The following PTGER3 variants were observed in gnomAD, a reference collection of about 807,000 sequenced individuals.
PTGER3 encodes the protein prostaglandin E2 receptor EP3 subtype.
A neutral mutation model predicts 34.7 loss-of-function variants in PTGER3; 22 were observed. The ratio of observed to expected loss-of-function variants is 0.63; its 90% CI spans 0.45 to 0.91. The LOEUF (loss-of-function observed/expected upper bound fraction) is 0.91. Ranked by LOEUF, PTGER3 falls within the 40% of genes least tolerant of loss-of-function variation. PTGER3 has a pLI of 0.00. For missense variants in PTGER3, 468 were observed against 519.4 expected (o/e 0.90, Z 0.96); for synonymous variants, 241 against 230.1 (o/e 1.05, Z -0.43).
At chr1:70,870,361 CA>C (rs1646137202) in intron 4 of PTGER3, among the ~76,000 whole-genome samples, 2 of 152,194 alleles carry the variant, frequency 1.3e-5, no homozygotes, top group African/African-American at 4.8e-5. Flanking sequence ...TGGGCTGTCT[CA>C]AAAGTCTCTG....
At chr1:70,957,736 G>A (rs1651492431) in intron 2 of PTGER3, among the ~76,000 whole-genome samples, 1 of 152,066 alleles carries the variant, frequency 6.6e-6, no homozygotes, top group Admixed American at 6.5e-5. Context: ...TCTTGAATAT[G>A]TAGTACAATG....
intron 4 of PTGER3, among the ~76,000 whole-genome samples, chr1:70,903,529 AG>A (rs1349631007): frequency 6.6e-6 from 1 of 152,190 alleles, no homozygotes; most frequent in Admixed American, 6.5e-5. Context: ...TGGGCTTCAA[AG>A]AAATAAAATC....
At chr1:70,909,607 CTG>C (rs1647021396) in intron 4 of PTGER3, among the ~76,000 whole-genome samples, 3 of 152,024 alleles carry the variant, frequency 2.0e-5, no homozygotes, top group African/African-American at 7.2e-5. Context: ...TGTTGGGTAA[CTG>C]TACAGTTTGT....
intron 4 of PTGER3, among the ~76,000 whole-genome samples, chr1:70,897,128 G>T (rs1646737635): frequency 6.6e-6 from 1 of 152,078 alleles, no homozygotes; most frequent in Non-Finnish European, 1.5e-5. Context: ...ACCACTCAGC[G>T]ATCTTGAGAC....
intron 4 of PTGER3, among the ~76,000 whole-genome samples, chr1:70,863,916 C>T (rs1405848275): frequency 2.6e-5 from 4 of 152,026 alleles, no homozygotes; most frequent in Admixed American, 2.6e-4. Context: ...AAAAACAACT[C>T]AGGAATTAGC....
chr1:70,891,332 C>T (rs1205281858), intron 4 of PTGER3, among the ~76,000 whole-genome samples: 1 of 152,114 alleles, frequency 6.6e-6, no homozygotes, highest in East Asian at 1.9e-4. Context: ...CCTGAATTCC[C>T]ATTTGGTGTA....
At chr1:70,894,256 C>A (rs1646678533) in intron 4 of PTGER3, among the ~76,000 whole-genome samples, 2 of 135,332 alleles carry the variant, frequency 1.5e-5, no homozygotes, top group Non-Finnish European at 1.5e-5. Context: ...TTGCAGTGAG[C>A]CGAGATCATG....
At chr1:71,005,744 A>T (rs1656900454) in intron 2 of PTGER3, 3 of 491,106 alleles carry the variant, frequency 6.1e-6, no homozygotes, top group South Asian at 1.7e-4. Flanking sequence ...CCCCAAGGAC[A>T]TTTGGCCCCA....
intron 2 of PTGER3, among the ~76,000 whole-genome samples, chr1:70,977,940 G>A (rs2100707651): frequency 6.6e-6 from 1 of 152,192 alleles, no homozygotes; most frequent in East Asian, 1.9e-4. Flanking sequence ...AGAATTAGAA[G>A]GTCCTCTCCC....
chr1:70,862,429 C>T (rs746274897), intron 4 of PTGER3: 22 of 1,291,198 alleles, frequency 1.7e-5, no homozygotes, highest in Admixed American at 3.8e-5. Context: ...AAATATTGTG[C>T]TGAAAAAGTC....
intron 4 of PTGER3, among the ~76,000 whole-genome samples, chr1:70,922,750 G>A (rs1257323525): frequency 1.3e-5 from 2 of 152,146 alleles, no homozygotes; most frequent in Non-Finnish European, 2.9e-5. Flanking sequence ...AAAATTATAA[G>A]AAGTCTTGGG....
intron 2 of PTGER3, among the ~76,000 whole-genome samples, chr1:70,996,639 T>TTTTATTTATTTA (rs763272005): frequency 0.34 from 41,946 of 122,000 alleles, 7,296 homozygotes; most frequent in Non-Finnish European, 0.37. Flanking sequence ...TTTTTTGTAT[T>TTTTATTTATTTA]TTTATTTATT....
intron 4 of PTGER3, among the ~76,000 whole-genome samples, chr1:70,860,883 C>A (rs745999141): frequency 6.6e-6 from 1 of 152,128 alleles, no homozygotes; most frequent in African/African-American, 2.4e-5. Context: ...ACTGTTGGGT[C>A]CTGTAGCTAA....
At chr1:70,862,151 A>G (rs563485989) in intron 4 of PTGER3, among the ~76,000 whole-genome samples, 1 of 152,188 alleles carries the variant, frequency 6.6e-6, no homozygotes, top group African/African-American at 2.4e-5. Flanking sequence ...TACCTGAAAT[A>G]TTGGAATTTC....
chr1:70,947,885 T>C (rs1650368111), downstream of PTGER3, among the ~76,000 whole-genome samples: 1 of 152,186 alleles, frequency 6.6e-6, no homozygotes, highest in Admixed American at 6.5e-5. Context: ...TGGTTTGTTC[T>C]GTTTTGATAG....
chr1:70,995,573 T>TA (rs1372523881), intron 2 of PTGER3, among the ~76,000 whole-genome samples: 1 of 152,156 alleles, frequency 6.6e-6, no homozygotes, highest in Non-Finnish European at 1.5e-5. Flanking sequence ...AGTCTTTCTT[T>TA]AAAAAAATTT....
intron 2 of PTGER3, chr1:71,007,332 G>GT: frequency 1.0e-6 from 1 of 985,770 alleles, no homozygotes; most frequent in Non-Finnish European, 1.2e-6. Flanking sequence ...AAAAACATTT[G>GT]ATAAGGAGAG....
At chr1:70,900,199 A>T (rs1383188859) in intron 4 of PTGER3, among the ~76,000 whole-genome samples, 1 of 152,014 alleles carries the variant, frequency 6.6e-6, no homozygotes, top group Non-Finnish European at 1.5e-5. Context: ...TTTAACTTTA[A>T]TTTATTATCT....
chr1:70,857,684 G>A (rs1176855244), intron 4 of PTGER3, among the ~76,000 whole-genome samples: 6 of 151,954 alleles, frequency 3.9e-5, no homozygotes, highest in Non-Finnish European at 7.4e-5. Flanking sequence ...TACAGGCACC[G>A]CCACCACGCC....
Sources: allele counts gnomAD v4.1 joint callset (sites outside exome capture counted in the v4.1 genomes callset), GRCh38; gene constraint gnomAD v4.1.1; transcripts MANE v1.5; gene names NCBI Gene and HGNC (gene_info 2026-07-23, HGNC 2026-07-21).